Variants in RALGAPA1 observed in about 807,000 individuals in gnomAD.
RALGAPA1 encodes the protein Ral GTPase activating protein catalytic subunit alpha 1, also known as ral GTPase-activating protein subunit alpha-1.
RALGAPA1 carries 52 observed loss-of-function variants against 269.6 expected under a neutral mutation model. The observed-to-expected ratio is 0.19, with a 90% CI of 0.15 to 0.24. The LOEUF (loss-of-function observed/expected upper bound fraction) is 0.24. Ranked by LOEUF, RALGAPA1 falls within the 10% of genes least tolerant of loss-of-function variation. The pLI is 1.00. For synonymous variants in RALGAPA1, 817 were observed against 1,008.3 expected (o/e 0.81, Z 3.60); for missense variants, 1,917 against 3,013.9 (o/e 0.64, Z 8.52).
At chr14:35,694,276 G>A (rs1244855944) in intron 17 of RALGAPA1, among the ~76,000 whole-genome samples, 2 of 152,108 alleles carry the variant, frequency 1.3e-5, no homozygotes, top group Non-Finnish European at 2.9e-5. Flanking sequence ...TTAGCTATCA[G>A]TAATATTTTT....
chr14:35,611,299 C>T (rs1036339214), intron 35 of RALGAPA1, among the ~76,000 whole-genome samples: 8 of 151,826 alleles, frequency 5.3e-5, no homozygotes, highest in Non-Finnish European at 1.2e-4. Flanking sequence ...ATAGAGGGGG[C>T]GAGACCATTC....
At chr14:35,782,911 T>C (rs960726783) in intron 1 of RALGAPA1, among the ~76,000 whole-genome samples, 1 of 151,754 alleles carries the variant, frequency 6.6e-6, no homozygotes, top group Non-Finnish European at 1.5e-5. Context: ...AGCCTCAACC[T>C]CCCAGACTCA....
chr14:35,769,027 AAAAAAAAAAT>A (rs2074385124), intron 4 of RALGAPA1, among the ~76,000 whole-genome samples: 1 of 98,620 alleles, frequency 1.0e-5, no homozygotes, highest in African/African-American at 4.7e-5. Context: ...AAAAAAAAAA[AAAAAAAAAAT>A]ATATATATAT....
chr14:35,680,391 T>C (rs2065323099), intron 21 of RALGAPA1, among the ~76,000 whole-genome samples: 1 of 151,128 alleles, frequency 6.6e-6, no homozygotes, highest in Non-Finnish European at 1.5e-5. Context: ...GTATCTTTAG[T>C]AGAGAGGGAA....
At chr14:35,570,590 G>T in intron 39 of RALGAPA1, 27 bp downstream of exon 39, 1 of 1,574,162 alleles carries the variant, frequency 6.4e-7, no homozygotes, top group Non-Finnish European at 8.6e-7. Flanking sequence ...CGTTAGAGTA[G>T]AAACCATTAC....
At chr14:35,800,513 G>C (rs2076889679) in intron 1 of RALGAPA1, among the ~76,000 whole-genome samples, 1 of 151,898 alleles carries the variant, frequency 6.6e-6, no homozygotes, top group African/African-American at 2.4e-5. Flanking sequence ...AAAATCAAAA[G>C]GAAAGTTGAA....
intron 16 of RALGAPA1, among the ~76,000 whole-genome samples, chr14:35,702,715 T>TAA (rs1555409652): frequency 1.3e-4 from 15 of 114,094 alleles, no homozygotes; most frequent in African/African-American, 3.3e-4. Context: ...CACCTTTAAT[T>TAA]AAAAAAAAAA....
chr14:35,617,862 T>C (rs573673542), intron 35 of RALGAPA1, among the ~76,000 whole-genome samples: 1 of 151,584 alleles, frequency 6.6e-6, no homozygotes, highest in East Asian at 1.9e-4. Flanking sequence ...GAGCAGATTG[T>C]CTGCATCAAG....
intron 17 of RALGAPA1, among the ~76,000 whole-genome samples, chr14:35,694,934 G>C (rs2066781281): frequency 1.3e-5 from 2 of 152,070 alleles, no homozygotes; most frequent in South Asian, 4.1e-4. Flanking sequence ...AAAAAAATTA[G>C]CTAGGCATGG....
At chr14:35,641,208 C>T (rs878984586) in intron 31 of RALGAPA1, among the ~76,000 whole-genome samples, 3 of 152,200 alleles carry the variant, frequency 2.0e-5, no homozygotes, top group African/African-American at 7.2e-5. Flanking sequence ...ACTTCCACCA[C>T]TATCATTTGA....
chr14:35,781,231 G>A (rs1238023695), intron 1 of RALGAPA1, among the ~76,000 whole-genome samples: 1 of 152,076 alleles, frequency 6.6e-6, no homozygotes, highest in African/African-American at 2.4e-5. Context: ...ATGAGCAACT[G>A]TATGCTAGCA....
chr14:35,577,544 G>A (rs1371538948), intron 37 of RALGAPA1, among the ~76,000 whole-genome samples: 1 of 152,146 alleles, frequency 6.6e-6, no homozygotes, highest in African/African-American at 2.4e-5. Flanking sequence ...CCAGAACTGT[G>A]AGAAATAAAT....
chr14:35,744,228 G>A (rs1006156654), intron 10 of RALGAPA1, among the ~76,000 whole-genome samples: 23 of 152,088 alleles, frequency 1.5e-4, no homozygotes, highest in African/African-American at 3.1e-4. Flanking sequence ...AAAATTAGCC[G>A]GGTGTGGTGG....
At chr14:35,626,626 C>T (rs1386280776) in intron 34 of RALGAPA1, among the ~76,000 whole-genome samples, 1 of 152,110 alleles carries the variant, frequency 6.6e-6, no homozygotes, top group Non-Finnish European at 1.5e-5. Context: ...CATTTAGCTC[C>T]TACCTAACTT....
At chr14:35,762,994 A>G (rs905060859) in intron 4 of RALGAPA1, among the ~76,000 whole-genome samples, 1 of 152,170 alleles carries the variant, frequency 6.6e-6, no homozygotes, top group Non-Finnish European at 1.5e-5. Context: ...CTAGGCCCGA[A>G]ATTGCATTTA....
chr14:35,720,891 C>A (rs1316858461), intron 16 of RALGAPA1, among the ~76,000 whole-genome samples: 1 of 152,138 alleles, frequency 6.6e-6, no homozygotes, highest in Non-Finnish European at 1.5e-5. Context: ...TATGATCCAA[C>A]AAAGGCAACA....
chr14:35,774,939 T>C (rs2074906638), intron 3 of RALGAPA1, 67 bp downstream of exon 3: 16 of 924,624 alleles, frequency 1.7e-5, no homozygotes, highest in Middle Eastern at 2.2e-4. Flanking sequence ...ATAATTTAAA[T>C]ATATTCCTTT....
At chr14:35,766,373 T>C (rs1224754187) in intron 4 of RALGAPA1, 1 of 1,425,620 alleles carries the variant, frequency 7.0e-7, no homozygotes, top group Non-Finnish European at 9.8e-7. Flanking sequence ...TATGTATAGG[T>C]ATTCCAGAGG....
intron 35 of RALGAPA1, among the ~76,000 whole-genome samples, chr14:35,624,780 G>C (rs144679079): frequency 6.6e-6 from 1 of 152,146 alleles, no homozygotes; most frequent in Non-Finnish European, 1.5e-5. Context: ...AGAATCACTG[G>C]ATTTAATTAA....
Sources: allele counts gnomAD v4.1 joint callset (sites outside exome capture counted in the v4.1 genomes callset), GRCh38; gene constraint gnomAD v4.1.1; transcripts MANE v1.5; gene names NCBI Gene and HGNC (gene_info 2026-07-23, HGNC 2026-07-21).